Variants in DAZAP2 observed in about 807,000 individuals in gnomAD.
DAZAP2 encodes DAZ associated protein 2.
DAZAP2 carries 3 observed loss-of-function variants against 16.2 expected under a neutral mutation model. The ratio of observed to expected loss-of-function variants is 0.19; its 90% CI spans 0.08 to 0.48. The LOEUF (loss-of-function observed/expected upper bound fraction) is 0.48. DAZAP2 is among the 20% of genes least tolerant of loss of function. DAZAP2 has a pLI of 0.98. For synonymous variants in DAZAP2, 69 were observed against 77.6 expected (o/e 0.89, Z 0.58); for missense variants, 172 against 215.9 (o/e 0.80, Z 1.27).
chr12:51,240,275 C>T lies in DAZAP2; in HGVS notation c.14-68C>T, dbSNP rs1185911290. The T allele has an allele frequency of 5.5e-6, 7 of 1,280,030 alleles. No individual in the cohort carries two copies. The African/African-American group carries it at 5.9e-5, about 11-fold the overall frequency. The allele number at this position is 1,280,030 out of a possible 1,614,324, so 79.3% of individuals were successfully genotyped here. A position where few individuals can be genotyped will look rare whatever the true frequency, so the allele number is the denominator to read the frequency against. On this transcript the variant is annotated intron_variant, in intron 1 of 3. Coordinates refer to ENST00000412716, the MANE Select transcript of DAZAP2 (RefSeq NM_014764.4). ...GCTTGCTCCCACTAAGTTAGCTACC[C>T]GATATGACCTGCCTCATTTTGGTAG...
downstream of DAZAP2, chr12:51,244,924 A>C (rs925841780): frequency 1.4e-5 from 2 of 147,166 alleles, no homozygotes; most frequent in Non-Finnish European, 3.0e-5. Context: ...TCCTGGGTTC[A>C]AGCCATTCTC....
Position 51,242,078 on chromosome 12 carries a change from C to G in DAZAP2, c.379-252C>G, listed in dbSNP as rs190824894. Among the ~76,000 whole-genome samples the G allele has an allele frequency of 2.0e-4, 31 of 152,218 alleles. No homozygotes were observed. In the South Asian group the frequency reaches 4.8e-3, roughly 23 times the overall value. On this transcript the variant is annotated intron_variant, in intron 3 of 3. Coordinates refer to ENST00000412716, the MANE Select transcript of DAZAP2 (RefSeq NM_014764.4). Reference sequence around the variant, plus strand: ...ACTGTTGGTCTGGTCTGTTCATGTTCAGAAGGTAGCCATAGGCTTCATCTT... The same window carrying G: ...ACTGTTGGTCTGGTCTGTTCATGTTGAGAAGGTAGCCATAGGCTTCATCTT...
Position 51,243,834 on chromosome 12 carries a change from A to G in DAZAP2, c.*1376A>G. 2 of 984,658 alleles carry G rather than the reference A, an allele frequency of 2.0e-6. No homozygotes were observed. The highest frequency in any genetic ancestry group is 2.4e-6 in the Non-Finnish European group (2 of 829,162). 61.0% of individuals were successfully genotyped at this position (984,658 alleles called of 1,614,324 possible). On this transcript the variant is annotated 3_prime_UTR_variant, in exon 4 of 4. Coordinates refer to ENST00000412716, the MANE Select transcript of DAZAP2 (RefSeq NM_014764.4). Reference sequence around the variant, plus strand: ...TAGCTTGTTTTTAGATTTCTTCTATATATATTTTATTTATATCCCATCTAG... The same window carrying G: ...TAGCTTGTTTTTAGATTTCTTCTATGTATATTTTATTTATATCCCATCTAG...
chr12:51,239,208 C>T (rs1191949413), intron 1 of DAZAP2: 1 of 447,656 alleles, frequency 2.2e-6, no homozygotes, highest in Admixed American at 4.1e-5. Context: ...AAATAGAGCG[C>T]TAGCGCAGGC....
In DAZAP2 at chr12:51,241,110, C is replaced by T; in HGVS notation, c.372C>T (p.Asn124=). The T allele has an allele frequency of 5.0e-6, 8 of 1,614,160 alleles. No individual in the cohort carries two copies. Among genetic ancestry groups the T allele is most frequent in the Non-Finnish European group, 6.8e-6 (8 of 1,180,036 alleles). Residue 124 remains asparagine, a synonymous_variant, in exon 3 of 4, where the codon AAC becomes AAT. Transcript: ENST00000412716. ...ARFGAGATAG[N]IPPPPPGCPP... is the part of the protein sequence containing the mutation. ...TTGGAGCTGGGGCTACTGCTGGCAA[C>T]ATTCCTGTGAGTATGACCTCATCAG...
downstream of DAZAP2, chr12:51,245,167 C>G (rs919627809): frequency 1.3e-5 from 2 of 152,144 alleles, no homozygotes; most frequent in Non-Finnish European, 2.9e-5. Context: ...CTGGAACAAG[C>G]TTTCCTGCAC....
At chr12:51,246,005 C>T, downstream of DAZAP2, 1 of 1,613,926 alleles carries the variant, frequency 6.2e-7, no homozygotes, top group Non-Finnish European at 8.5e-7. Flanking sequence ...GACGATGGCA[C>T]TGGGCTCACC....
In DAZAP2 at chr12:51,243,127, C is replaced by T. The variant is rs1944710488; in HGVS notation, c.*669C>T. The T allele has an allele frequency of 6.1e-6, 6 of 986,162 alleles. No individual in the cohort carries two copies. Among genetic ancestry groups the T allele is most frequent in the Non-Finnish European group, 7.2e-6 (6 of 830,310 alleles). The allele number at this position is 986,162 out of a possible 1,614,324, so 61.1% of individuals were successfully genotyped here. On this transcript the variant is annotated 3_prime_UTR_variant, in exon 4 of 4. Coordinates refer to ENST00000412716, the MANE Select transcript of DAZAP2 (RefSeq NM_014764.4). ...TGTGCCCCAAGTACAGATGCCATTA[C>T]TTCTGCTTTCGTATCTCCTCAGGCA...
chr12:51,239,142 T>C, intron 1 of DAZAP2: 1 of 607,552 alleles, frequency 1.6e-6, no homozygotes, highest in South Asian at 2.2e-5. Flanking sequence ...TGGCGCAGTT[T>C]GGAGCTGCGG....
chr12:51,245,436 T>A (rs1944754222), downstream of DAZAP2: 1 of 152,824 alleles, frequency 6.5e-6, no homozygotes, highest in African/African-American at 2.4e-5. Flanking sequence ...AGGGCTCAGA[T>A]TAGGGGGTGT....
Position 51,242,118 on chromosome 12 carries a change from TTGAA to T in DAZAP2, c.379-208_379-205del, listed in dbSNP as rs1361803540. Among the ~76,000 whole-genome samples the T allele has an allele frequency of 6.6e-5, 10 of 152,172 alleles. 1 individual carries two copies. Among genetic ancestry groups the T allele is most frequent in the African/African-American group, 2.2e-4 (9 of 41,512 alleles). On this transcript the variant is annotated intron_variant, in intron 3 of 3. Coordinates refer to ENST00000412716, the MANE Select transcript of DAZAP2 (RefSeq NM_014764.4). ...GGCTTCATCTTAGAGCTGGAACCCT[TTGAA>T]TGAGTGGTAGGCTCCCTTTCCTGTT... is the stretch of plus-strand genomic sequence containing the variant.
intron 2 of DAZAP2, 55 bp from the exon 3 acceptor site, chr12:51,240,816 T>A (rs778844423): frequency 7.6e-6 from 12 of 1,586,090 alleles, no homozygotes; most frequent in Admixed American, 1.7e-5. Context: ...ATTAAAGAGA[T>A]CTCAAATAGG....
Position 51,243,747 on chromosome 12 carries a change from A to G in DAZAP2, c.*1289A>G. 6 of 985,638 alleles carry G rather than the reference A, an allele frequency of 6.1e-6. No homozygotes were observed. Among genetic ancestry groups the G allele is most frequent in the Non-Finnish European group, 6.0e-6 (5 of 829,752 alleles). 61.1% of individuals were successfully genotyped at this position (985,638 alleles called of 1,614,324 possible). On this transcript the variant is annotated 3_prime_UTR_variant, in exon 4 of 4. Transcript: ENST00000412716. ...ATACTAAAAATGTAGAATAAAGACT[A>G]TTTTGAAGATTTGAATAAAGTGATG...
rs1160928290 is a variant in DAZAP2 at position 51,238,894 on chromosome 12, G to A, written c.-14G>A. 2 of 1,613,502 alleles carry A rather than the reference G, an allele frequency of 1.2e-6. No homozygotes were observed. Among genetic ancestry groups the A allele is most frequent in the Non-Finnish European group, 1.7e-6 (2 of 1,179,918 alleles). ...CCGTCCGCGACGCCGAGACAAACCG[G>A]ACCCGCAACCACCATGAACAGCAAA... On this transcript the variant is annotated 5_prime_UTR_variant, in exon 1 of 4. Transcript: ENST00000412716.
intron 3 of DAZAP2, among the ~76,000 whole-genome samples, chr12:51,241,556 ACTT>A (rs1944677792): frequency 6.6e-6 from 1 of 152,166 alleles, no homozygotes; most frequent in Non-Finnish European, 1.5e-5. Context: ...ATTTTTTCCT[ACTT>A]AATTCCCCAG....
chr12:51,242,130 T>C (rs1223521827), intron 3 of DAZAP2, among the ~76,000 whole-genome samples, 200 bp from the exon 4 acceptor site: 1 of 152,086 alleles, frequency 6.6e-6, no homozygotes, highest in African/African-American at 2.4e-5. Flanking sequence ...GAATGAGTGG[T>C]AGGCTCCCTT....
At chr12:51,241,138 GA>G (rs745363483) in intron 3 of DAZAP2, 22 bp downstream of exon 3, 9 of 1,611,028 alleles carry the variant, frequency 5.6e-6, no homozygotes, top group Non-Finnish European at 7.6e-6. Flanking sequence ...CTCATCAGAA[GA>G]AACTCAGCCC....
intron 1 of DAZAP2, 181 bp downstream of exon 1, chr12:51,239,101 T>C (rs1944610544): frequency 4.7e-6 from 4 of 845,738 alleles, no homozygotes; most frequent in Middle Eastern, 3.7e-4. Context: ...GGCAGCTTGC[T>C]GCCTCCAGGC....
chr12:51,239,495 AAG>A (rs200254228), intron 1 of DAZAP2: 10 of 146,024 alleles, frequency 6.8e-5, no homozygotes, highest in South Asian at 2.0e-4. Context: ...AAAAAAAAAA[AAG>A]GCCGAGCGAG....
Sources: gnomAD v4.1 joint callset for allele counts (sites outside exome capture counted in the v4.1 genomes callset) on GRCh38, gnomAD v4.1.1 for gene constraint, MANE v1.5 for transcripts, NCBI Gene and HGNC (gene_info 2026-07-23, HGNC 2026-07-21) for gene names.